FBXL5: variants seen among roughly 807,000 people sequenced by gnomAD.
FBXL5 encodes the protein F-box and leucine rich repeat protein 5.
A neutral mutation model predicts 78.3 loss-of-function variants in FBXL5; 26 were observed. That is an observed-to-expected ratio of 0.33 (90% CI 0.24 to 0.46). FBXL5 has a LOEUF of 0.46. Among genes scored for constraint, FBXL5 ranks in the 20% least tolerant of loss-of-function variants. The pLI is 1.00. For missense variants in FBXL5, 710 were observed against 829.2 expected (o/e 0.86, Z 1.77); for synonymous variants, 295 against 282.5 (o/e 1.04, Z -0.45).
chr4:15,639,074 G>T (rs1714568868), intron 3 of FBXL5, among the ~76,000 whole-genome samples: 1 of 152,204 alleles, frequency 6.6e-6, no homozygotes, highest in Non-Finnish European at 1.5e-5. Flanking sequence ...TGAGGCAGGA[G>T]AATCACTTGA....
At chr4:15,617,851 A>G (rs1369690366) in intron 9 of FBXL5, among the ~76,000 whole-genome samples, 1 of 152,246 alleles carries the variant, frequency 6.6e-6, no homozygotes, top group Non-Finnish European at 1.5e-5. Flanking sequence ...AAGAATAGCT[A>G]GTAAATGCTG....
chr4:15,651,076 AT>A (rs1715979725), intron 1 of FBXL5, among the ~76,000 whole-genome samples: 3 of 152,198 alleles, frequency 2.0e-5, no homozygotes, highest in Non-Finnish European at 4.4e-5. Flanking sequence ...ACAAAAACAC[AT>A]ATATTATTCC....
At chr4:15,653,490 C>T (rs1464569261) in intron 1 of FBXL5, among the ~76,000 whole-genome samples, 2 of 152,062 alleles carry the variant, frequency 1.3e-5, no homozygotes, top group Non-Finnish European at 2.9e-5. Flanking sequence ...ATCTGGAAAT[C>T]GATGAAAGCT....
intron 2 of FBXL5, among the ~76,000 whole-genome samples, chr4:15,643,187 T>A (rs1374221645): frequency 6.6e-6 from 1 of 152,216 alleles, no homozygotes; most frequent in African/African-American, 2.4e-5. Flanking sequence ...CCCCACCAAG[T>A]AGCTACTAAG....
intron 9 of FBXL5, among the ~76,000 whole-genome samples, chr4:15,620,786 CGCCCA>C (rs1577434362): frequency 6.6e-6 from 1 of 152,352 alleles, no homozygotes; most frequent in East Asian, 1.9e-4. Context: ...ACACCTGGCC[CGCCCA>C]GGGCGGAAAA....
At chr4:15,660,383 C>T (rs544940784), upstream of FBXL5, among the ~76,000 whole-genome samples, 2 of 152,222 alleles carry the variant, frequency 1.3e-5, no homozygotes, top group Non-Finnish European at 2.9e-5. Flanking sequence ...CACCCAGCCC[C>T]GACATTGTTT....
intron 1 of FBXL5, among the ~76,000 whole-genome samples, chr4:15,680,657 G>T (rs1420782590): frequency 1.3e-5 from 2 of 152,034 alleles, no homozygotes; most frequent in East Asian, 3.9e-4. Flanking sequence ...GCCTGGGCGA[G>T]AGAGTGAGAC....
intron 9 of FBXL5, among the ~76,000 whole-genome samples, chr4:15,618,570 G>A (rs1022769275): frequency 2.0e-5 from 3 of 152,244 alleles, no homozygotes; most frequent in Non-Finnish European, 4.4e-5. Flanking sequence ...GCTGGGCGCA[G>A]TGGCTCACGC....
chr4:15,680,922 AAT>A (rs935128223), intron 1 of FBXL5, among the ~76,000 whole-genome samples: 8 of 148,570 alleles, frequency 5.4e-5, no homozygotes, highest in East Asian at 1.9e-4. Context: ...TATATATAAG[AAT>A]ATATATATAT....
At chr4:15,619,289 T>C (rs939876388) in intron 9 of FBXL5, among the ~76,000 whole-genome samples, 3 of 152,158 alleles carry the variant, frequency 2.0e-5, no homozygotes, top group Non-Finnish European at 2.9e-5. Context: ...TGAATACAGA[T>C]GCAAAATTCC....
intron 1 of FBXL5, among the ~76,000 whole-genome samples, chr4:15,680,219 G>A (rs1718169739): frequency 6.6e-6 from 1 of 152,016 alleles, no homozygotes; most frequent in Non-Finnish European, 1.5e-5. Flanking sequence ...AAGACCGGAA[G>A]GATAAACAAG....
upstream of FBXL5, chr4:15,655,506 C>T: frequency 2.4e-6 from 1 of 418,588 alleles, no homozygotes; most frequent in Non-Finnish European, 3.2e-6. Context: ...CTCGCGGCTT[C>T]TGCCTCCCGC....
Position 15,631,877 on chromosome 4 carries a change from C to T in FBXL5, c.767-1086G>A, listed in dbSNP as rs575968676. Among the ~76,000 whole-genome samples the T allele has an allele frequency of 2.0e-5, 3 of 152,076 alleles. No individual in the cohort carries two copies. The East Asian group carries it at 5.8e-4, about 29-fold the overall frequency. On this transcript the variant is annotated intron_variant, in intron 5 of 10. Coordinates refer to ENST00000341285, the MANE Select transcript of FBXL5 (RefSeq NM_012161.4). ...CTCATTCTGTAGGTTGCCTGTTCAC[C>T]CTGATGGTAGTTTCTTTTGCCATGC...
At chr4:15,626,232 T>C (rs1713048982) in intron 8 of FBXL5, among the ~76,000 whole-genome samples, 1 of 152,186 alleles carries the variant, frequency 6.6e-6, no homozygotes, top group South Asian at 2.1e-4. Context: ...ATTGGAAGAC[T>C]TAAGTTTATT....
At chr4:15,676,256 G>A (rs1040791800) in intron 1 of FBXL5, among the ~76,000 whole-genome samples, 4 of 152,194 alleles carry the variant, frequency 2.6e-5, no homozygotes, top group South Asian at 2.1e-4. Context: ...ATAAACTACC[G>A]CATAAAAAGC....
intron 1 of FBXL5, among the ~76,000 whole-genome samples, chr4:15,654,085 TG>T (rs909609703): frequency 8.5e-5 from 13 of 152,312 alleles, no homozygotes; most frequent in African/African-American, 2.9e-4. Flanking sequence ...TTGCTGGTCT[TG>T]AGTGTGGCCT....
intron 1 of FBXL5, among the ~76,000 whole-genome samples, chr4:15,680,941 TTA>T (rs1439905341): frequency 1.1e-4 from 16 of 148,836 alleles, no homozygotes; most frequent in African/African-American, 2.0e-4. Flanking sequence ...ATATTCTCCT[TTA>T]TATGTTTTTT....
chr4:15,655,417 T>A, upstream of FBXL5: 6 of 991,250 alleles, frequency 6.1e-6, no homozygotes, highest in Non-Finnish European at 7.2e-6. Context: ...CCCGGTCGGC[T>A]TGGCCGGCGG....
At chr4:15,634,852 A>G (rs1397827875) in intron 5 of FBXL5, among the ~76,000 whole-genome samples, 1 of 152,174 alleles carries the variant, frequency 6.6e-6, no homozygotes, top group Admixed American at 6.5e-5. Flanking sequence ...AATAATTCTT[A>G]AAAATTAAAA....
Sources: gnomAD v4.1 joint callset for allele counts (sites outside exome capture counted in the v4.1 genomes callset) on GRCh38, gnomAD v4.1.1 for gene constraint, MANE v1.5 for transcripts, NCBI Gene and HGNC (gene_info 2026-07-23, HGNC 2026-07-21) for gene names.